Variants in CSMD1 observed in about 807,000 individuals in gnomAD.
CSMD1 encodes CUB and sushi domain-containing protein 1.
Under a neutral mutation model 417.5 loss-of-function variants are expected in CSMD1, and 213 were observed. That is an observed-to-expected ratio of 0.51 (90% CI 0.46 to 0.57). The LOEUF is 0.57. Among genes scored for constraint, CSMD1 ranks in the 20% least tolerant of loss-of-function variants. The pLI is 0.00. For missense variants in CSMD1, 6,923 were observed against 4,529.7 expected, an observed-to-expected ratio of 1.53 and a Z score of -15.17; for synonymous variants, 2,862 against 1,736.8, an observed-to-expected ratio of 1.65 and a Z score of -16.11.
chr8:4,761,836 CATCTATCTATCTATCTATCT>C lies in CSMD1; in HGVS notation c.86-124298_86-124279del, dbSNP rs72078338. ...AATAAAATAGCAAAATAGTACCATG[CATCTATCTATCTATCTATCT>C]ATCTATCTATCTATCTATCTATCTA... On this transcript the variant is annotated intron_variant, in intron 1 of 69. Transcript: ENST00000635120. Among the ~76,000 whole-genome samples the C allele has an allele frequency of 5.2e-3, 620 of 119,138 alleles. 3 individuals are homozygous for C. Among genetic ancestry groups the C allele is most frequent in the Non-Finnish European group, 8.0e-3 (458 of 57,572 alleles). 78.2% of individuals were successfully genotyped at this position (119,138 alleles called of 152,430 possible).
intron 54 of CSMD1, among the ~76,000 whole-genome samples, chr8:2,988,619 C>T (rs1310037098): frequency 6.6e-6 from 1 of 152,174 alleles, no homozygotes; most frequent in Non-Finnish European, 1.5e-5. Context: ...TGCTTGTTTT[C>T]ATTCCTTCTT....
intron 2 of CSMD1, among the ~76,000 whole-genome samples, chr8:4,433,986 C>T (rs1379947558): frequency 6.6e-6 from 1 of 152,148 alleles, no homozygotes; most frequent in East Asian, 1.9e-4. Flanking sequence ...ATTTTCTCTT[C>T]AGCCTCAAGA....
At chr8:4,960,291 G>T (rs12542818) in intron 1 of CSMD1, among the ~76,000 whole-genome samples, 34,848 of 152,016 alleles carry the variant, frequency 0.23, 5,182 homozygotes, top group Non-Finnish European at 0.33. Context: ...GTTTAATTTT[G>T]CAACGCCCCT....
intron 17 of CSMD1, among the ~76,000 whole-genome samples, chr8:3,391,087 T>G (rs912799648): frequency 1.3e-5 from 2 of 152,216 alleles, no homozygotes; most frequent in African/African-American, 2.4e-5. Flanking sequence ...GCATGTTATA[T>G]ATACCTTTGC....
intron 3 of CSMD1, among the ~76,000 whole-genome samples, chr8:4,133,730 G>C (rs373334414): frequency 2.6e-5 from 4 of 151,516 alleles, no homozygotes; most frequent in African/African-American, 7.3e-5. Context: ...ACTGTTTATG[G>C]TTATGGTTTT....
At position 3,305,402 on chromosome 8, in the gene CSMD1, G is replaced by A. The variant is rs1184064073; in HGVS notation, c.3950+2293C>T. ...CTCATGTTGAAATTTAATTGCCATTGTAGCCATATTGAAAGTGGGAGCCCT... is the reference window on the plus strand; with the variant it reads ...CTCATGTTGAAATTTAATTGCCATTATAGCCATATTGAAAGTGGGAGCCCT... On this transcript the variant is annotated intron_variant, in intron 25 of 69. Transcript: ENST00000635120. 3.9e-5 allele frequency among the ~76,000 whole-genome samples: 6 copies of A among 151,964 alleles called. No homozygotes were observed. In the East Asian group the frequency reaches 1.2e-3, roughly 29 times the overall value.
intron 1 of CSMD1, among the ~76,000 whole-genome samples, chr8:4,909,219 G>C (rs184487012): frequency 2.5e-4 from 38 of 152,286 alleles, no homozygotes; most frequent in Non-Finnish European, 4.1e-4. Flanking sequence ...GTGGTAGTGA[G>C]GGATGGTAGA....
chr8:4,402,319 A>C (rs1585020040), intron 3 of CSMD1, among the ~76,000 whole-genome samples: 1 of 151,522 alleles, frequency 6.6e-6, no homozygotes, highest in Non-Finnish European at 1.5e-5. Flanking sequence ...CCCTCCTTCA[A>C]ATCTATACTT....
chr8:4,476,148 T>G (rs1800791493), intron 2 of CSMD1, among the ~76,000 whole-genome samples: 1 of 152,078 alleles, frequency 6.6e-6, no homozygotes, highest in African/African-American at 2.4e-5. Flanking sequence ...AAGTCTCTTG[T>G]GTAATCTTCC....
chr8:3,741,213 T>TAA (rs58662516), intron 6 of CSMD1, among the ~76,000 whole-genome samples: 1,246 of 67,196 alleles, frequency 0.019, 119 homozygotes, highest in African/African-American at 0.058. Context: ...GACTCCGTCT[T>TAA]AAAAAAAAAA....
rs781348126 is a variant in CSMD1 at position 2,942,528 on chromosome 8, C to T, written c.10479G>A (p.Leu3493=). Residue 3493 remains leucine (L), a synonymous_variant, in exon 69 of 70, where the codon CTG becomes CTA. Coordinates refer to ENST00000635120, the MANE Select transcript of CSMD1 (RefSeq NM_033225.6). The part of the protein sequence containing the change: ...TSSGSVAAAI[L]VPFFALILSG... ...ATAAAATTAGAGCAAAGAAAGGAAC[C>T]AGAATGGCAGCCGCCACAGAGCCAC... 1 of 1,609,986 alleles carries T rather than the reference C, an allele frequency of 6.2e-7. No homozygotes were observed. The highest frequency in any genetic ancestry group is 2.2e-5 in the East Asian group (1 of 44,700).
chr8:4,579,209 G>T (rs555960615), intron 2 of CSMD1, among the ~76,000 whole-genome samples: 2 of 151,868 alleles, frequency 1.3e-5, no homozygotes, highest in South Asian at 2.1e-4. Context: ...TGCTCTGACG[G>T]AATCAGGAAA....
chr8:4,090,834 G>A (rs1458557793), intron 3 of CSMD1, among the ~76,000 whole-genome samples: 2 of 151,958 alleles, frequency 1.3e-5, no homozygotes, highest in African/African-American at 4.8e-5. Flanking sequence ...TGAAAAAATA[G>A]AAATATTTGG....
Position 4,044,894 on chromosome 8 carries a change from C to A in CSMD1, c.416-12795G>T, listed in dbSNP as rs927157878. The stretch of plus-strand genomic sequence containing the variant: ...GAACTTTGCAGCCCTCAGGCCCAGA[C>A]TGACTTCTCCCACAAAAAGTTAAAT... On this transcript the variant is annotated intron_variant, in intron 3 of 69. Transcript: ENST00000635120. Among the ~76,000 whole-genome samples, 10 of 152,194 alleles carry A rather than the reference C, an allele frequency of 6.6e-5. No homozygotes were observed. The East Asian group carries it at 9.7e-4, about 15-fold the overall frequency.
chr8:3,148,114 C>A (rs535808764), intron 40 of CSMD1, among the ~76,000 whole-genome samples: 1 of 152,212 alleles, frequency 6.6e-6, no homozygotes, highest in Admixed American at 6.5e-5. Context: ...AGGAAATGTT[C>A]CAGAATCACT....
intron 49 of CSMD1, among the ~76,000 whole-genome samples, chr8:3,082,960 C>T (rs1814216166): frequency 6.6e-6 from 1 of 152,130 alleles, no homozygotes; most frequent in Non-Finnish European, 1.5e-5. Flanking sequence ...AACTTCTGTG[C>T]TGATTTGGGT....
intron 20 of CSMD1, among the ~76,000 whole-genome samples, chr8:3,366,721 G>C (rs1387850856): frequency 6.6e-6 from 1 of 152,166 alleles, no homozygotes. Context: ...CAGAGATCTT[G>C]TAGAGTTGGT....
At chr8:3,559,179 T>C (rs1007154416) in intron 10 of CSMD1, among the ~76,000 whole-genome samples, 6 of 152,212 alleles carry the variant, frequency 3.9e-5, no homozygotes, top group Admixed American at 2.0e-4. Context: ...TCTTTTAGCA[T>C]ATGGTATGTG....
intron 5 of CSMD1, among the ~76,000 whole-genome samples, chr8:3,916,136 GA>G (rs933600304): frequency 6.6e-6 from 1 of 151,296 alleles, no homozygotes; most frequent in Non-Finnish European, 1.5e-5. Flanking sequence ...AAATTTCAGT[GA>G]AAAAAAATGC....
Sources: allele counts gnomAD v4.1 joint callset (sites outside exome capture counted in the v4.1 genomes callset), GRCh38; gene constraint gnomAD v4.1.1; transcripts MANE v1.5; gene names NCBI Gene and HGNC (gene_info 2026-07-23, HGNC 2026-07-21).